ACACA: variants seen among roughly 807,000 people sequenced by gnomAD.
The protein encoded by ACACA is acetyl-CoA carboxylase 1.
A neutral mutation model predicts 296.1 loss-of-function variants in ACACA; 103 were observed. The ratio of observed to expected loss-of-function variants is 0.35; its 90% CI spans 0.30 to 0.41. The LOEUF (loss-of-function observed/expected upper bound fraction) is 0.41, where lower values mean the gene tolerates loss of function less well. Ranked by LOEUF, ACACA falls within the 10% of genes least tolerant of loss-of-function variation. The pLI, the probability that ACACA is intolerant of heterozygous loss-of-function variation, is 1.00. For synonymous variants in ACACA, 953 were observed against 1,038.6 expected, an observed-to-expected ratio of 0.92 and a Z score of 1.58; for missense variants, 1,554 against 2,989.7, an observed-to-expected ratio of 0.52 and a Z score of 11.20.
At chr17:37,370,204 C>A (rs1192611083) in intron 1 of ACACA, among the ~76,000 whole-genome samples, 1 of 151,708 alleles carries the variant, frequency 6.6e-6, no homozygotes, top group Non-Finnish European at 1.5e-5. Flanking sequence ...CGGTGTTTCA[C>A]CATGTTGGCC....
intron 25 of ACACA, among the ~76,000 whole-genome samples, chr17:37,231,718 A>G (rs561191924): frequency 2.0e-5 from 3 of 152,310 alleles, no homozygotes; most frequent in South Asian, 4.1e-4. Context: ...TAGTGAGGGG[A>G]AGACTACTTA....
At chr17:37,298,096 T>A (rs1214569332) in intron 3 of ACACA, among the ~76,000 whole-genome samples, 1 of 152,164 alleles carries the variant, frequency 6.6e-6, no homozygotes, top group Non-Finnish European at 1.5e-5. Context: ...TAGCTGGTAC[T>A]ACAGGCTCAT....
chr17:37,113,046 G>C lies in ACACA; in HGVS notation c.6452+42C>G. 6.2e-7 allele frequency: 1 copy of C among 1,611,374 alleles called. No homozygotes were observed. The highest frequency in any genetic ancestry group is 8.5e-7 in the Non-Finnish European group (1 of 1,178,304). ...TCCAGGAGGAAACCAACAGCTACAG[G>C]GTCCCTAAAGGCAGTGAATGGAAAT... is the stretch of plus-strand genomic sequence containing the variant. On this transcript the variant is annotated intron_variant, in intron 51 of 55. Coordinates refer to ENST00000616317, the MANE Select transcript of ACACA (RefSeq NM_198834.3). This position sits in a 1 kb window ranked among gnomAD's most constrained non-coding sequence, Gnocchi z 4.0.
intron 45 of ACACA, among the ~76,000 whole-genome samples, chr17:37,131,566 G>A (rs1257342920): frequency 6.6e-6 from 1 of 152,092 alleles, no homozygotes; most frequent in Non-Finnish European, 1.5e-5. Context: ...CAGTCTCTGG[G>A]GAGAATCTAA....
chr17:37,217,285 A>G (rs1262627755), intron 29 of ACACA, among the ~76,000 whole-genome samples: 4 of 141,166 alleles, frequency 2.8e-5, no homozygotes, highest in Admixed American at 1.4e-4. Flanking sequence ...AAAAAAAAAA[A>G]GCTGCAGGAA....
At chr17:37,127,199 G>A (rs910371366) in intron 47 of ACACA, among the ~76,000 whole-genome samples, 62 of 152,134 alleles carry the variant, frequency 4.1e-4, no homozygotes, top group African/African-American at 1.4e-3. Flanking sequence ...ATGAAAGAAG[G>A]ACTCAAATTT....
intron 1 of ACACA, among the ~76,000 whole-genome samples, chr17:37,359,538 G>A (rs1303194623): frequency 1.3e-5 from 2 of 152,174 alleles, no homozygotes; most frequent in East Asian, 3.9e-4. Flanking sequence ...GGCGGAGAGG[G>A]GAGTGGGGGA....
At chr17:37,392,749 G>A (rs969397439) in intron 1 of ACACA, 1 of 151,934 alleles carries the variant, frequency 6.6e-6, no homozygotes, top group Non-Finnish European at 1.5e-5. Flanking sequence ...TACCAACAGG[G>A]GAAAATCTCA....
intron 15 of ACACA, 117 bp downstream of exon 15, chr17:37,252,769 C>T: frequency 7.2e-7 from 1 of 1,389,230 alleles, no homozygotes; most frequent in South Asian, 1.2e-5. Flanking sequence ...TAGATTTTTC[C>T]AGGTAGATCA....
rs9914097 is a variant in ACACA, at chr17:37,199,097, G to T, written c.4158+1042C>A. ...TCTACTAAAAATACAAAAATCAGCT[G>T]GGTGTGGTGGCACATGCCTGCAATC... On this transcript the variant is annotated intron_variant, in intron 35 of 55. Coordinates refer to ENST00000616317, the MANE Select transcript of ACACA (RefSeq NM_198834.3). 9.7e-3 allele frequency among the ~76,000 whole-genome samples: 1,483 copies of T among 152,164 alleles called. 22 individuals are homozygous for T. Among genetic ancestry groups the T allele is most frequent in the African/African-American group, 0.034 (1,411 of 41,532 alleles).
intron 1 of ACACA, among the ~76,000 whole-genome samples, chr17:37,399,010 A>G (rs1317572653): frequency 6.8e-6 from 1 of 147,488 alleles, no homozygotes; most frequent in Non-Finnish European, 1.5e-5. Context: ...ATGGAGTTTC[A>G]CTCTTGTTGC....
chr17:37,359,905 A>T (rs2049337396), intron 1 of ACACA, among the ~76,000 whole-genome samples: 1 of 151,964 alleles, frequency 6.6e-6, no homozygotes, highest in Non-Finnish European at 1.5e-5. Context: ...TCAGTAAACG[A>T]AGCTCAGTAA....
chr17:37,403,329 T>A (rs566315693), intron 1 of ACACA, among the ~76,000 whole-genome samples: 40 of 152,064 alleles, frequency 2.6e-4, no homozygotes, highest in African/African-American at 9.6e-4. Context: ...GTAATCAGTG[T>A]TACCCTTCTT....
chr17:37,392,820 T>C (rs1363807206), intron 1 of ACACA: 2 of 152,018 alleles, frequency 1.3e-5, no homozygotes, highest in African/African-American at 4.8e-5. Context: ...AAAGCATGGA[T>C]AATGAGGATA....
At position 37,245,077 on chromosome 17, in the gene ACACA, C is replaced by T; in HGVS notation, c.2595+3G>A. The T allele has an allele frequency of 6.2e-7, 1 of 1,614,212 alleles. No individual in the cohort carries two copies. Among genetic ancestry groups the T allele is most frequent in the Non-Finnish European group, 8.5e-7 (1 of 1,180,034 alleles). ...GCAATATTCGGAGCACCTTCCTACT[C>T]ACCTGCTGAACCTTGCTGGGGTTGT... On this transcript the variant is annotated splice_donor_region_variant and intron_variant, in intron 20 of 55. Coordinates refer to ENST00000616317, the MANE Select transcript of ACACA (RefSeq NM_198834.3).
At chr17:37,145,463 GC>G (rs2075771769) in intron 45 of ACACA, among the ~76,000 whole-genome samples, 1 of 152,068 alleles carries the variant, frequency 6.6e-6, no homozygotes, top group African/African-American at 2.4e-5. Context: ...GAAATAGCAA[GC>G]CCCTAGAAAC....
At chr17:37,304,984 T>A (rs937956936) in intron 3 of ACACA, among the ~76,000 whole-genome samples, 6 of 152,124 alleles carry the variant, frequency 3.9e-5, no homozygotes, top group African/African-American at 1.2e-4. Flanking sequence ...TATTTAAACA[T>A]GTTTTCCTTT....
At chr17:37,190,729 C>A (rs1164982605) in intron 38 of ACACA, among the ~76,000 whole-genome samples, 1 of 152,056 alleles carries the variant, frequency 6.6e-6, no homozygotes, top group African/African-American at 2.4e-5. Flanking sequence ...TGCACAGAAG[C>A]AGTAATTTAG....
At chr17:37,128,886 T>C (rs905791734) in intron 47 of ACACA, among the ~76,000 whole-genome samples, 5 of 152,228 alleles carry the variant, frequency 3.3e-5, no homozygotes, top group African/African-American at 1.2e-4. Context: ...GAAGGGCACA[T>C]GCAGCGTGGG....
Sources: gnomAD v4.1 joint callset for allele counts (sites outside exome capture counted in the v4.1 genomes callset) on GRCh38, gnomAD v4.1.1 for gene constraint, Gnocchi (gnomAD v3.1) non-coding constraint, MANE v1.5 for transcripts, NCBI Gene and HGNC (gene_info 2026-07-23, HGNC 2026-07-21) for gene names.